RERG: variants seen among roughly 807,000 people sequenced by gnomAD.
RERG encodes RAS like estrogen regulated growth inhibitor.
Under a neutral mutation model 23.2 loss-of-function variants are expected in RERG, and 25 were observed. The ratio of observed to expected loss-of-function variants is 1.08; its 90% CI spans 0.79 to 1.50. The LOEUF is 1.50. Among genes scored for constraint, RERG ranks in the 40% most tolerant of loss-of-function variants. The pLI is 0.00. For synonymous variants in RERG, 81 were observed against 89.1 expected (o/e 0.91, Z 0.51); for missense variants, 253 against 250.1 (o/e 1.01, Z -0.08).
intron 2 of RERG, among the ~76,000 whole-genome samples, chr12:15,168,614 GA>G (rs1864730616): frequency 6.6e-6 from 1 of 152,172 alleles, no homozygotes; most frequent in African/African-American, 2.4e-5. Flanking sequence ...GTTTGCCCTG[GA>G]CTGTGTCCGC....
intron 2 of RERG, among the ~76,000 whole-genome samples, chr12:15,161,158 G>GAA: frequency 9.4e-6 from 1 of 106,602 alleles, no homozygotes; most frequent in South Asian, 3.6e-4. Flanking sequence ...AAGAAAGAAA[G>GAA]AAAGAAAGAA....
intron 1 of RERG, among the ~76,000 whole-genome samples, chr12:15,218,625 C>T (rs1396635260): frequency 6.6e-6 from 1 of 152,000 alleles, no homozygotes; most frequent in Admixed American, 6.6e-5. Flanking sequence ...CTCCCTGCGG[C>T]TTCTACTCAT....
At chr12:15,152,535 A>G (rs1565521094) in intron 2 of RERG, among the ~76,000 whole-genome samples, 3 of 152,208 alleles carry the variant, frequency 2.0e-5, no homozygotes, top group Non-Finnish European at 4.4e-5. Context: ...TGCCTGAGCC[A>G]AGATAGGACA....
At chr12:15,195,827 T>G (rs1865137076) in intron 2 of RERG, among the ~76,000 whole-genome samples, 1 of 152,122 alleles carries the variant, frequency 6.6e-6, no homozygotes, top group African/African-American at 2.4e-5. Flanking sequence ...GTTCTCATCC[T>G]GCTCCCTATT....
chr12:15,161,214 GAAAGAAAGAAAGAAAC>G (rs776228050), intron 2 of RERG, among the ~76,000 whole-genome samples: 2,456 of 129,052 alleles, frequency 0.019, 89 homozygotes, highest in Admixed American at 0.03. Flanking sequence ...AAGAAAGAAA[GAAAGAAAGAAAGAAAC>G]AGGGGCATCA....
chr12:15,174,887 T>C (rs1358542349), intron 2 of RERG, among the ~76,000 whole-genome samples: 1 of 152,116 alleles, frequency 6.6e-6, no homozygotes, highest in Non-Finnish European at 1.5e-5. Flanking sequence ...TATTTTCATG[T>C]TTTCTATTAG....
chr12:15,130,982 G>A (rs1864036342), intron 2 of RERG, among the ~76,000 whole-genome samples: 1 of 152,002 alleles, frequency 6.6e-6, no homozygotes. Context: ...TTGGTTTTAG[G>A]CTGACACACG....
intron 2 of RERG, among the ~76,000 whole-genome samples, chr12:15,186,513 T>G (rs1211045112): frequency 6.6e-6 from 1 of 151,058 alleles, no homozygotes; most frequent in Non-Finnish European, 1.5e-5. Flanking sequence ...TGGCTTTGAG[T>G]CAAAGAGACC....
intron 2 of RERG, among the ~76,000 whole-genome samples, chr12:15,129,385 T>C (rs1018839841): frequency 1.3e-5 from 2 of 152,126 alleles, no homozygotes; most frequent in South Asian, 2.1e-4. Context: ...TTCAGATATA[T>C]TTGCTGATAA....
intron 2 of RERG, among the ~76,000 whole-genome samples, chr12:15,122,555 A>G (rs1028011791): frequency 6.6e-6 from 1 of 152,196 alleles, no homozygotes; most frequent in Non-Finnish European, 1.5e-5. Flanking sequence ...CAGTGCCTAA[A>G]GTAGCAAGGC....
chr12:15,139,014 C>CTTTTTTTTTTTTTTTTTTTTTTT (rs34755371), intron 2 of RERG, among the ~76,000 whole-genome samples: 1 of 51,126 alleles, frequency 2.0e-5, no homozygotes. Context: ...TGTGTCTAGA[C>CTTTTTTTTTTTTTTTTTTTTTTT]TTTTTTTTTT....
chr12:15,132,012 G>T (rs997312856), intron 2 of RERG, among the ~76,000 whole-genome samples: 1 of 152,084 alleles, frequency 6.6e-6, no homozygotes, highest in Non-Finnish European at 1.5e-5. Flanking sequence ...CCCCCATTAT[G>T]AAAAGCTTAT....
chr12:15,160,404 C>T (rs1164869849), intron 2 of RERG, among the ~76,000 whole-genome samples: 1 of 152,078 alleles, frequency 6.6e-6, no homozygotes. Flanking sequence ...TTTTAGAAAA[C>T]TTTTGTTAAG....
chr12:15,175,363 G>C, intron 2 of RERG, among the ~76,000 whole-genome samples: 1 of 150,118 alleles, frequency 6.7e-6, no homozygotes, highest in East Asian at 2.0e-4. Context: ...GTGTGTGTGT[G>C]TGTGTGTGTG....
intron 2 of RERG, among the ~76,000 whole-genome samples, chr12:15,183,405 T>A (rs1397796578): frequency 6.6e-6 from 1 of 152,132 alleles, no homozygotes; most frequent in Non-Finnish European, 1.5e-5. Context: ...AAAATAATTT[T>A]GTATATAAAT....
chr12:15,149,265 C>A (rs1864396947), intron 2 of RERG, among the ~76,000 whole-genome samples: 1 of 152,046 alleles, frequency 6.6e-6, no homozygotes, highest in Non-Finnish European at 1.5e-5. Flanking sequence ...AAAATCAAGA[C>A]TTTTTCATCT....
chr12:15,167,057 C>A (rs1864705607), intron 2 of RERG, among the ~76,000 whole-genome samples: 1 of 152,036 alleles, frequency 6.6e-6, no homozygotes, highest in South Asian at 2.1e-4. Flanking sequence ...CTTATTAAGC[C>A]GACAATGCAT....
intron 2 of RERG, among the ~76,000 whole-genome samples, chr12:15,174,251 G>GT (rs1469096750): frequency 6.6e-6 from 1 of 151,968 alleles, no homozygotes; most frequent in Non-Finnish European, 1.5e-5. Context: ...CCGGTAAAAA[G>GT]TAATTTGAGG....
rs184257580 is a variant in RERG at position 15,141,399 on chromosome 12, G to C, written c.62-20280C>G. ...GCTCACTGATTCCTTCCTCAGCTGT[G>C]TCCAAGCTACTGATAAGGCCATGAA... On this transcript the variant is annotated intron_variant, in intron 2 of 4. Coordinates refer to ENST00000256953, the MANE Select transcript of RERG (RefSeq NM_032918.3). 1.2e-4 allele frequency among the ~76,000 whole-genome samples: 19 copies of C among 152,180 alleles called. No homozygotes were observed. The East Asian group carries it at 2.9e-3, about 23-fold the overall frequency.
Sources: allele counts gnomAD v4.1 joint callset (sites outside exome capture counted in the v4.1 genomes callset), GRCh38; gene constraint gnomAD v4.1.1; transcripts MANE v1.5; gene names NCBI Gene and HGNC (gene_info 2026-07-23, HGNC 2026-07-21).